The following AIFM1 variants were observed in gnomAD, a reference collection of about 807,000 sequenced individuals.
AIFM1 encodes apoptosis inducing factor mitochondria associated 1.
In AIFM1, 3 loss-of-function variants were observed where a neutral mutation model predicts 51.7. The observed-to-expected ratio is 0.06, with a 90% CI of 0.03 to 0.15. The LOEUF (loss-of-function observed/expected upper bound fraction) is 0.15, where lower values mean the gene tolerates loss of function less well. Among genes scored for constraint, AIFM1 ranks in the 10% least tolerant of loss-of-function variants. The pLI, the probability that AIFM1 is intolerant of heterozygous loss-of-function variation, is 1.00. For missense variants in AIFM1, 330 were observed against 476.8 expected, an observed-to-expected ratio of 0.69 and a Z score of 2.87; for synonymous variants, 178 against 179.4, an observed-to-expected ratio of 0.99 and a Z score of 0.06.
intron 5 of AIFM1, among the ~76,000 whole-genome samples, chrX:130,147,099 T>C (rs1195804327): frequency 9.0e-6 from 1 of 110,696 alleles, no homozygotes; most frequent in East Asian, 2.8e-4. Flanking sequence ...GAGGTGGAGG[T>C]TGCAGTGAGC....
intron 6 of AIFM1, among the ~76,000 whole-genome samples, chrX:130,141,903 T>C (rs1461451258): frequency 8.9e-6 from 1 of 112,119 alleles, no homozygotes; most frequent in Non-Finnish European, 1.9e-5. Flanking sequence ...GACTAGCTGC[T>C]CCATTCTAAC....
At chrX:130,148,028 C>T (rs144545857) in intron 3 of AIFM1, 152 bp from the exon 4 acceptor site, 11 of 687,601 alleles carry the variant, frequency 1.6e-5, no homozygotes, top group Non-Finnish European at 2.3e-5. Flanking sequence ...ATCTTCACAG[C>T]ATCCTGATGG....
At chrX:130,147,369 C>T (rs988657162) in intron 5 of AIFM1, 124 bp downstream of exon 5, 2 of 877,201 alleles carry the variant, frequency 2.3e-6, no homozygotes, top group Non-Finnish European at 3.3e-6. Context: ...GTGTGGACCA[C>T]AGTAGACTCT....
intron 1 of AIFM1, among the ~76,000 whole-genome samples, chrX:130,164,746 A>G (rs1363164179): frequency 6.3e-5 from 7 of 111,581 alleles, no homozygotes; most frequent in South Asian, 7.5e-4. Flanking sequence ...AGTTGCAGCG[A>G]AGGGATTAAG....
intron 2 of AIFM1, among the ~76,000 whole-genome samples, chrX:130,152,566 C>T (rs1281752613): frequency 9.0e-6 from 1 of 111,556 alleles, no homozygotes; most frequent in East Asian, 2.8e-4. Context: ...AGGTCATTTT[C>T]TGAGTGAGGC....
intron 1 of AIFM1, among the ~76,000 whole-genome samples, chrX:130,157,929 T>TG (rs1276239814): frequency 2.3e-5 from 2 of 88,567 alleles, no homozygotes; most frequent in African/African-American, 4.4e-5. Context: ...CACTCCAGCC[T>TG]GGCAACAGAG....
chrX:130,158,809 G>C (rs1160370344), intron 1 of AIFM1, among the ~76,000 whole-genome samples: 1 of 109,172 alleles, frequency 9.2e-6, no homozygotes, highest in Non-Finnish European at 1.9e-5. Flanking sequence ...GCTTAGTCTA[G>C]AGGCTGATAC....
intron 1 of AIFM1, among the ~76,000 whole-genome samples, chrX:130,163,639 T>C (rs941537508): frequency 8.9e-6 from 1 of 112,373 alleles, no homozygotes; most frequent in Admixed American, 9.5e-5. Context: ...TACAGTAGAC[T>C]GCCTTCAAAC....
At chrX:130,137,775 G>A in intron 9 of AIFM1, 1 of 993,406 alleles carries the variant, frequency 1.0e-6, no homozygotes, top group African/African-American at 2.0e-5. Context: ...AGAAAGTATT[G>A]CTGTTGGCCA....
In AIFM1 at chrX:130,137,157, T is replaced by C. The variant is rs12007545; in HGVS notation, c.996A>G (p.Gln332=). ...CCATATTTCCTTTCTCGGGGAAGAGTTGAATCACTTCTGTGCCCAAGGCTC... is the reference window on the plus strand; with the variant it reads ...CCATATTTCCTTTCTCGGGGAAGAGCTGAATCACTTCTGTGCCCAAGGCTC... The part of the protein sequence containing the change: ...KARALGTEVI[Q]LFPEKGNMGK... Residue 332 remains glutamine, a synonymous_variant, in exon 10 of 16, where the codon CAA becomes CAG. Transcript: ENST00000287295. 6.3e-3 allele frequency: 7,635 copies of C among 1,208,827 alleles called. 208 individuals are homozygous for C. In the African/African-American group the frequency reaches 0.094, roughly 15 times the overall value.
chrX:130,164,261 C>T (rs2031458015), intron 1 of AIFM1, among the ~76,000 whole-genome samples: 1 of 111,427 alleles, frequency 9.0e-6, no homozygotes, highest in African/African-American at 3.3e-5. Context: ...TCAAAGATGA[C>T]ATCCATTGAT....
At position 130,165,835 on chromosome X, in the gene AIFM1, G is replaced by C. The variant is rs1336672088; in HGVS notation, c.-179C>G. The C allele has an allele frequency of 4.0e-6, 2 of 496,074 alleles. No homozygotes were observed. Among genetic ancestry groups the C allele is most frequent in the South Asian group, 2.7e-5 (1 of 37,085 alleles). 40.9% of individuals were successfully genotyped at this position (496,074 alleles called of 1,213,427 possible). A position where few individuals can be genotyped will look rare whatever the true frequency, so the allele number is the denominator to read the frequency against. On this transcript the variant is annotated 5_prime_UTR_variant, in exon 1 of 16. Coordinates refer to ENST00000287295, the MANE Select transcript of AIFM1 (RefSeq NM_004208.4). ...AAGCCGGCCTGCTAGAGCCGGGGAA[G>C]GGGAACGGCGACCGGAGGCCTACTG...
intron 1 of AIFM1, 104 bp downstream of exon 1, chrX:130,165,447 T>C: frequency 1.5e-6 from 1 of 671,331 alleles, no homozygotes; most frequent in South Asian, 2.3e-5. Context: ...CGTGACTATG[T>C]GTTAAGTTTC....
intron 2 of AIFM1, among the ~76,000 whole-genome samples, chrX:130,151,149 T>C (rs1268586434): frequency 4.7e-5 from 5 of 105,963 alleles, no homozygotes. Context: ...ATTCTTTTCT[T>C]TTTTTTTTTG....
At chrX:130,133,014 G>C (rs1281840433) in intron 13 of AIFM1, among the ~76,000 whole-genome samples, 2 of 111,505 alleles carry the variant, frequency 1.8e-5, no homozygotes, top group African/African-American at 3.3e-5. Flanking sequence ...GACCTATTTT[G>C]CCGGAAGTGC....
intron 3 of AIFM1, among the ~76,000 whole-genome samples, chrX:130,148,600 G>A (rs1402410109): frequency 1.8e-5 from 2 of 110,721 alleles, no homozygotes; most frequent in African/African-American, 6.6e-5. Flanking sequence ...TTGGGAGGCC[G>A]AAGCAGGCGG....
At chrX:130,159,648 C>A (rs2031284948) in intron 1 of AIFM1, among the ~76,000 whole-genome samples, 1 of 109,308 alleles carries the variant, frequency 9.1e-6, no homozygotes, top group Admixed American at 9.9e-5. Flanking sequence ...GTTTATTCCT[C>A]CAGAAGACCC....
rs2031346035 is a variant in AIFM1 at position 130,161,447 on chromosome X, G to A, written c.106+4104C>T. On this transcript the variant is annotated intron_variant, in intron 1 of 15. Coordinates refer to ENST00000287295, the MANE Select transcript of AIFM1 (RefSeq NM_004208.4). Reference sequence around the variant, plus strand: ...AATCACTTGAACCCAGGAGACAGAGGTTGCAGTGAGCTGAGATTGTGTCAC... The same window carrying A: ...AATCACTTGAACCCAGGAGACAGAGATTGCAGTGAGCTGAGATTGTGTCAC... Among the ~76,000 whole-genome samples, 7 of 102,220 alleles carry A rather than the reference G, an allele frequency of 6.8e-5. No homozygotes were observed. In the Admixed American group the frequency reaches 7.5e-4, roughly 11 times the overall value. The allele number at this position is 102,220 out of a possible 115,157, so 88.8% of individuals were successfully genotyped here. A position where few individuals can be genotyped will look rare whatever the true frequency, so the allele number is the denominator to read the frequency against.
At chrX:130,131,615 A>C in intron 14 of AIFM1, 60 bp downstream of exon 14, 1 of 1,198,328 alleles carries the variant, frequency 8.3e-7, no homozygotes, top group Non-Finnish European at 1.1e-6. Flanking sequence ...CCCCTTGTTC[A>C]GGAGAATCTG....
Sources: allele counts gnomAD v4.1 joint callset (sites outside exome capture counted in the v4.1 genomes callset), GRCh38; gene constraint gnomAD v4.1.1; transcripts MANE v1.5; gene names NCBI Gene and HGNC (gene_info 2026-07-23, HGNC 2026-07-21).